The following CLIP3 variants were observed in gnomAD, a reference collection of about 807,000 sequenced individuals.
The protein encoded by CLIP3 is CAP-Gly domain containing linker protein 3, also known as CAP-Gly domain-containing linker protein 3.
CLIP3 carries 15 observed loss-of-function variants against 59.4 expected under a neutral mutation model. The observed-to-expected ratio is 0.25, with a 90% CI of 0.17 to 0.39. CLIP3 has a LOEUF of 0.39. CLIP3 is among the 10% of genes least tolerant of loss of function. The pLI is 1.00. For missense variants in CLIP3, 495 were observed against 765.7 expected, an observed-to-expected ratio of 0.65 and a Z score of 4.17; for synonymous variants, 300 against 321.6, an observed-to-expected ratio of 0.93 and a Z score of 0.72.
chr19:36,019,128 G>A (rs373452406), intron 8 of CLIP3, 43 bp downstream of exon 8: 106 of 1,611,768 alleles, frequency 6.6e-5, no homozygotes, highest in Middle Eastern at 3.3e-4. Context: ...ACTGCCGAGT[G>A]GACACCCAGC....
chr19:36,022,236 A>C (rs1968971195), intron 7 of CLIP3, among the ~76,000 whole-genome samples: 1 of 152,148 alleles, frequency 6.6e-6, no homozygotes, highest in Non-Finnish European at 1.5e-5. Flanking sequence ...CCTGGCACAC[A>C]CAAAGAGCAT....
Position 36,026,556 on chromosome 19 carries a change from C to G in CLIP3, c.562+30G>C. 2 of 1,610,926 alleles carry G rather than the reference C, an allele frequency of 1.2e-6. No homozygotes were observed. The highest frequency in any genetic ancestry group is 1.7e-6 in the Non-Finnish European group (2 of 1,178,510). On this transcript the variant is annotated intron_variant, in intron 5 of 13. Transcript: ENST00000360535. The surrounding 1 kb of genome is among the most constrained non-coding windows in gnomAD (Gnocchi z 6.3). ...TCCGCGTCCCTCACCCAGGTCCTTG[C>G]CCCCTCCCAGCCAGGGCTCTCCTCC... is the stretch of plus-strand genomic sequence containing the variant.
Position 36,032,122 on chromosome 19 carries a change from CA to C in CLIP3, c.166+69del. Reference sequence around the variant, plus strand: ...AGAATTCTCCCACCATCACCACCAGCAGAGCACAGCCCACCCTCCCCGGCCA... The same window carrying C: ...AGAATTCTCCCACCATCACCACCAGCGAGCACAGCCCACCCTCCCCGGCCA... On this transcript the variant is annotated intron_variant, in intron 2 of 13. Transcript: ENST00000360535. This position sits in a 1 kb window ranked among gnomAD's most constrained non-coding sequence, Gnocchi z 4.3. The C allele has an allele frequency of 1.2e-6, 1 of 865,298 alleles. No homozygotes were observed. Among genetic ancestry groups the C allele is most frequent in the Non-Finnish European group, 1.6e-6 (1 of 638,418 alleles). 53.6% of individuals were successfully genotyped at this position (865,298 alleles called of 1,614,324 possible).
rs1179208015 is a variant in CLIP3, at chr19:36,015,285, G to A, written c.*873C>T. The A allele has an allele frequency of 6.6e-6, 1 of 152,486 alleles. No individual in the cohort carries two copies. Among genetic ancestry groups the A allele is most frequent in the East Asian group, 1.9e-4 (1 of 5,186 alleles). The allele number at this position is 152,486 out of a possible 1,614,324, so 9.4% of individuals were successfully genotyped here. A position where few individuals can be genotyped will look rare whatever the true frequency, so the allele number is the denominator to read the frequency against. ...GGACTTGAGGGCACAGGGGAGTTTGGGACGTGTGTACTCTAGGGTTTGGGA... is the reference window on the plus strand; with the variant it reads ...GGACTTGAGGGCACAGGGGAGTTTGAGACGTGTGTACTCTAGGGTTTGGGA... On this transcript the variant is annotated 3_prime_UTR_variant, in exon 14 of 14. Coordinates refer to ENST00000360535, the MANE Select transcript of CLIP3 (RefSeq NM_015526.3).
rs1568540443 is a variant in CLIP3, at chr19:36,019,594, A to ATTT, written c.919-291_919-289dup. On this transcript the variant is annotated intron_variant, in intron 7 of 13. Coordinates refer to ENST00000360535, the MANE Select transcript of CLIP3 (RefSeq NM_015526.3). Reference sequence around the variant, plus strand: ...TAGGACAATGTAAATTTATTTATTTATTTATTTTATTTATTTTTTTTTTTT... The same window carrying ATTT: ...TAGGACAATGTAAATTTATTTATTTATTTTTTATTTTATTTATTTTTTTTTTTT... Among the ~76,000 whole-genome samples, 31 of 113,984 alleles carry ATTT rather than the reference A, an allele frequency of 2.7e-4. No homozygotes were observed. In the South Asian group the frequency reaches 5.7e-3, roughly 21 times the overall value. The allele number at this position is 113,984 out of a possible 152,430, so 74.8% of individuals were successfully genotyped here.
chr19:36,023,154 G>A (rs1422554096), intron 7 of CLIP3, among the ~76,000 whole-genome samples: 2 of 152,184 alleles, frequency 1.3e-5, no homozygotes, highest in African/African-American at 4.8e-5. Flanking sequence ...CATGAGAATA[G>A]CTTGAATCTG....
At chr19:36,018,677 G>A (rs1968868146) in intron 9 of CLIP3, among the ~76,000 whole-genome samples, 1 of 152,102 alleles carries the variant, frequency 6.6e-6, no homozygotes, top group African/African-American at 2.4e-5. Context: ...GGTCTGAGAG[G>A]AAACTAAGTC....
At chr19:36,022,589 T>C (rs963652916) in intron 7 of CLIP3, among the ~76,000 whole-genome samples, 5 of 152,180 alleles carry the variant, frequency 3.3e-5, no homozygotes, top group African/African-American at 1.2e-4. Context: ...TCCTTCTGAA[T>C]TGTGCAATGG....
At chr19:36,019,416 C>T (rs1262394086) in intron 7 of CLIP3, 110 bp from the exon 8 acceptor site, 1 of 1,308,372 alleles carries the variant, frequency 7.6e-7, no homozygotes, top group South Asian at 1.3e-5. Flanking sequence ...TGGGCCCAAA[C>T]CCCAGGTCAC....
intron 2 of CLIP3, among the ~76,000 whole-genome samples, chr19:36,030,559 C>T (rs1969228148): frequency 6.6e-6 from 1 of 152,180 alleles, no homozygotes. Context: ...TCTGGCTGCA[C>T]TCCATCCCCT....
intron 2 of CLIP3, among the ~76,000 whole-genome samples, chr19:36,028,465 A>G (rs1214149821): frequency 6.6e-6 from 1 of 152,214 alleles, no homozygotes; most frequent in Admixed American, 6.5e-5. Context: ...GACTCTAAGG[A>G]GTACTGCTCT....
intron 2 of CLIP3, among the ~76,000 whole-genome samples, chr19:36,028,199 G>A (rs368925070): frequency 2.1e-4 from 32 of 151,890 alleles, no homozygotes; most frequent in African/African-American, 5.3e-4. Flanking sequence ...TTAGCCAGGC[G>A]TGGTGGTGGG....
rs142182918 is a variant in CLIP3, at chr19:36,024,459, G to T, written c.855C>A (p.Gly285=). 1,016 of 1,614,034 alleles carry T rather than the reference G, an allele frequency of 6.3e-4. 21 individuals carry two copies. The East Asian group carries it at 0.022, about 36-fold the overall frequency. The change falls in exon 7 of 14, where the codon GGC becomes GGA. Residue 285 remains glycine, a synonymous_variant. Coordinates refer to ENST00000360535, the MANE Select transcript of CLIP3 (RefSeq NM_015526.3). Reference sequence around the variant, plus strand: ...AGCCCAGTGCGCTAAGCATGAGATTGCCTGGGACGTTGTCATAGTTGGGTA... The same window carrying T: ...AGCCCAGTGCGCTAAGCATGAGATTTCCTGGGACGTTGTCATAGTTGGGTA... ...VTLPNYDNVP[G]NLMLSALGLR...
In CLIP3 at chr19:36,026,977, C is replaced by G; in HGVS notation, c.375G>C (p.Ala125=). The stretch of plus-strand genomic sequence containing the variant: ...CGACTCCGTGGGCCCCAGCTTTGCA[C>G]GCATAGTGGAGCAGTGTCATGTCGG... ...GLTDMTLLHY[A]CKAGAHGVGD... is the part of the protein sequence containing the mutation. Residue 125 remains alanine, a synonymous_variant, in exon 4 of 14, where the codon GCG becomes GCC. Transcript: ENST00000360535. The surrounding 1 kb of genome is among the most constrained non-coding windows in gnomAD (Gnocchi z 6.3). 1.3e-6 allele frequency: 2 copies of G among 1,563,706 alleles called. No homozygotes were observed. Among genetic ancestry groups the G allele is most frequent in the Non-Finnish European group, 1.7e-6 (2 of 1,158,262 alleles).
At chr19:36,029,477 G>A (rs1599704821) in intron 2 of CLIP3, among the ~76,000 whole-genome samples, 1 of 148,230 alleles carries the variant, frequency 6.7e-6, no homozygotes, top group African/African-American at 2.5e-5. Flanking sequence ...TAGTGACAAC[G>A]TTTTGCTATG....
At position 36,016,368 on chromosome 19, in the gene CLIP3, G is replaced by A. The variant is rs1380100860; in HGVS notation, c.1590-156C>T. ...GTTTGTTTGTTTGTTTGTTTTCTGAGATGGAGTCTCACTCTGTCACCCAGG... is the reference window on the plus strand; with the variant it reads ...GTTTGTTTGTTTGTTTGTTTTCTGAAATGGAGTCTCACTCTGTCACCCAGG... On this transcript the variant is annotated intron_variant, in intron 13 of 13. Coordinates refer to ENST00000360535, the MANE Select transcript of CLIP3 (RefSeq NM_015526.3). The surrounding 1 kb of genome is among the most constrained non-coding windows in gnomAD (Gnocchi z 4.1). Among the ~76,000 whole-genome samples the A allele has an allele frequency of 6.6e-6, 1 of 152,170 alleles. No homozygotes were observed. Among genetic ancestry groups the A allele is most frequent in the Non-Finnish European group, 1.5e-5 (1 of 68,026 alleles).
In CLIP3 at chr19:36,032,295, C is replaced by T; in HGVS notation, c.63G>A (p.Glu21=). 2.3e-6 allele frequency: 3 copies of T among 1,293,134 alleles called. No homozygotes were observed. The highest frequency in any genetic ancestry group is 2.0e-6 in the Non-Finnish European group (2 of 1,012,426). 80.1% of individuals were successfully genotyped at this position (1,293,134 alleles called of 1,614,324 possible). A position where few individuals can be genotyped will look rare whatever the true frequency, so the allele number is the denominator to read the frequency against. The change falls in exon 2 of 14, where the codon GAG becomes GAA. Residue 21 remains glutamate (E), a synonymous_variant. Coordinates refer to ENST00000360535, the MANE Select transcript of CLIP3 (RefSeq NM_015526.3). The surrounding 1 kb of genome is among the most constrained non-coding windows in gnomAD (Gnocchi z 4.3). The part of the protein sequence containing the change: ...PPPRGEEEEE[E]EEDEPVPEAP... ...CCTCGGGGACGGGTTCATCCTCCTC[C>T]TCCTCTTCTTCCTCCTCTCCTCGGG...
intron 7 of CLIP3, 46 bp downstream of exon 7, chr19:36,024,350 A>T: frequency 6.6e-7 from 1 of 1,509,336 alleles, no homozygotes; most frequent in Non-Finnish European, 9.2e-7. Context: ...TAAGGGGCTG[A>T]GTCCCACCCC....
At chr19:36,030,501 G>A (rs1405148343) in intron 2 of CLIP3, among the ~76,000 whole-genome samples, 2 of 152,092 alleles carry the variant, frequency 1.3e-5, no homozygotes, top group South Asian at 2.1e-4. Flanking sequence ...CACAGCTGCC[G>A]GGGATTCCCA....
Sources: allele counts gnomAD v4.1 joint callset (sites outside exome capture counted in the v4.1 genomes callset), GRCh38; gene constraint gnomAD v4.1.1; non-coding constraint Gnocchi (gnomAD v3.1); transcripts MANE v1.5; gene names NCBI Gene and HGNC (gene_info 2026-07-23, HGNC 2026-07-21).